The following APOO variants were observed in gnomAD, a reference collection of about 807,000 sequenced individuals.
APOO encodes apolipoprotein O.
In APOO, 11 loss-of-function variants were observed where a neutral mutation model predicts 23.1. That is an observed-to-expected ratio of 0.48 (90% CI 0.30 to 0.79). APOO has a LOEUF of 0.79. Among genes scored for constraint, APOO ranks in the 30% least tolerant of loss-of-function variants. The pLI is 0.07. For missense variants in APOO, 160 were observed against 142.7 expected, an observed-to-expected ratio of 1.12 and a Z score of -0.62; for synonymous variants, 59 against 54.8, an observed-to-expected ratio of 1.08 and a Z score of -0.34.
At chrX:23,896,465 G>A (rs755724356) in intron 1 of APOO, among the ~76,000 whole-genome samples, 2 of 111,620 alleles carry the variant, frequency 1.8e-5, no homozygotes, top group African/African-American at 3.3e-5. Flanking sequence ...ATGAGGAAGA[G>A]TAAAAATGTT....
rs1418432046 is a variant in APOO at position 23,856,337 on chromosome X, C to G, written c.526G>C (p.Val176Leu). The change falls in exon 7 of 9, where the codon GTC becomes CTC. Residue 176 changes from valine to leucine, a missense_variant. Coordinates refer to ENST00000379226, the MANE Select transcript of APOO (RefSeq NM_024122.5). ...LYDWGLRGYI[V>L]IEDLWKENFQ... The stretch of plus-strand genomic sequence containing the variant: ...TTCTCCTTCCACAAATCTTCTATGA[C>G]TATATATCCTCGTAAACCCCAGTCA... 1 of 1,208,726 alleles carries G rather than the reference C, an allele frequency of 8.3e-7. No homozygotes were observed. Among genetic ancestry groups the G allele is most frequent in the African/African-American group, 1.7e-5 (1 of 57,155 alleles).
At chrX:23,878,344 G>A (rs775515330) in intron 3 of APOO, among the ~76,000 whole-genome samples, 13 of 112,014 alleles carry the variant, frequency 1.2e-4, no homozygotes, top group Non-Finnish European at 2.4e-4. Context: ...CACTGCCCAG[G>A]GAGAGGGAAA....
intron 4 of APOO, among the ~76,000 whole-genome samples, chrX:23,869,140 C>G (rs1176689158): frequency 3.6e-5 from 4 of 110,057 alleles, no homozygotes; most frequent in African/African-American, 1.3e-4. Context: ...AACTCCTGAC[C>G]TCAGGTGATC....
At chrX:23,854,938 A>G (rs772077261) in intron 7 of APOO, among the ~76,000 whole-genome samples, 1 of 111,653 alleles carries the variant, frequency 9.0e-6, no homozygotes, top group South Asian at 3.7e-4. Context: ...TGATATTGGT[A>G]TAGAATTTCC....
intron 4 of APOO, among the ~76,000 whole-genome samples, chrX:23,871,489 T>G (rs1004150363): frequency 2.7e-5 from 3 of 111,348 alleles, no homozygotes; most frequent in African/African-American, 9.8e-5. Context: ...TTAGGGTTCC[T>G]CAAACATCCA....
At chrX:23,882,831 G>A (rs953838317) in intron 1 of APOO, among the ~76,000 whole-genome samples, 1 of 110,680 alleles carries the variant, frequency 9.0e-6, no homozygotes, top group African/African-American at 3.3e-5. Flanking sequence ...AATTTTTGTA[G>A]AGACAGGGTT....
intron 5 of APOO, among the ~76,000 whole-genome samples, chrX:23,865,294 T>C (rs759776990): frequency 7.2e-5 from 8 of 110,802 alleles, no homozygotes; most frequent in Middle Eastern, 4.2e-3. Flanking sequence ...CAGACTACCT[T>C]AGCAGATACG....
chrX:23,841,471 A>G (rs1489418641), intron 7 of APOO, among the ~76,000 whole-genome samples: 1 of 102,443 alleles, frequency 9.8e-6, no homozygotes, highest in Admixed American at 1.1e-4. Context: ...CTTGGGCAAC[A>G]TAGAAAAAGA....
intron 4 of APOO, among the ~76,000 whole-genome samples, chrX:23,874,087 C>A (rs1925737077): frequency 8.9e-6 from 1 of 112,066 alleles, no homozygotes; most frequent in Non-Finnish European, 1.9e-5. Context: ...TTCAGAAAAT[C>A]TATTGATGAA....
At chrX:23,880,041 T>G (rs913198767) in intron 2 of APOO, among the ~76,000 whole-genome samples, 4 of 108,638 alleles carry the variant, frequency 3.7e-5, no homozygotes, top group Non-Finnish European at 5.7e-5. Context: ...ATGTAAACAG[T>G]AGAGAGAAGA....
intron 1 of APOO, among the ~76,000 whole-genome samples, chrX:23,884,843 A>G (rs1468441669): frequency 9.0e-6 from 1 of 111,297 alleles, no homozygotes. Flanking sequence ...CATTCCTGAG[A>G]GAGGAAGTAG....
intron 5 of APOO, among the ~76,000 whole-genome samples, chrX:23,860,839 TA>T (rs113127850): frequency 0.037 from 3,187 of 87,211 alleles, 60 homozygotes; most frequent in African/African-American, 0.042. Context: ...TCTATTCCTT[TA>T]AAAAAAAAAA....
rs1011340232 is a variant in APOO at position 23,836,184 on chromosome X, T to C, written c.*30-2572A>G. On this transcript the variant is annotated intron_variant, in intron 8 of 8. Coordinates refer to ENST00000379226, the MANE Select transcript of APOO (RefSeq NM_024122.5). ...CTCTCTCTGTTGCCCAGGCTGGGAGTGTGCAGTGGCACGATCTTGGCTCAC... is the reference window on the plus strand; with the variant it reads ...CTCTCTCTGTTGCCCAGGCTGGGAGCGTGCAGTGGCACGATCTTGGCTCAC... Among the ~76,000 whole-genome samples the C allele has an allele frequency of 6.2e-5, 7 of 112,695 alleles. No homozygotes were observed. In the Admixed American group the frequency reaches 6.6e-4, roughly 11 times the overall value.
intron 1 of APOO, among the ~76,000 whole-genome samples, chrX:23,888,764 C>T (rs967336283): frequency 1.5e-4 from 15 of 99,746 alleles, no homozygotes; most frequent in East Asian, 6.8e-4. Context: ...GCAAGAGAAT[C>T]GTTTGAACCT....
chrX:23,837,162 C>CT (rs1208353940), intron 8 of APOO: 40 of 894,375 alleles, frequency 4.5e-5, no homozygotes, highest in East Asian at 3.0e-4. Flanking sequence ...CCCGGAGCCT[C>CT]TTTTTTTTCT....
chrX:23,880,330 T>C (rs1452265200), intron 2 of APOO, among the ~76,000 whole-genome samples: 2 of 111,671 alleles, frequency 1.8e-5, no homozygotes, highest in African/African-American at 6.5e-5. Context: ...ATCATTAAAG[T>C]TTATCTGTTG....
At chrX:23,848,131 C>G (rs988213940) in intron 7 of APOO, among the ~76,000 whole-genome samples, 5 of 108,094 alleles carry the variant, frequency 4.6e-5, no homozygotes, top group East Asian at 5.8e-4. Context: ...CTTCAGCCCC[C>G]CAAAGTGCTG....
At chrX:23,878,524 T>A (rs1162259264) in intron 3 of APOO, among the ~76,000 whole-genome samples, 2 of 112,069 alleles carry the variant, frequency 1.8e-5, no homozygotes, top group Non-Finnish European at 3.8e-5. Context: ...ATGGGGCACA[T>A]GAGATGTGTT....
At chrX:23,877,178 G>C (rs986262058) in intron 3 of APOO, among the ~76,000 whole-genome samples, 2 of 111,976 alleles carry the variant, frequency 1.8e-5, no homozygotes, top group African/African-American at 6.5e-5. Flanking sequence ...ACAAGTAACA[G>C]TAGTCATGCC....
Sources: gnomAD v4.1 joint callset for allele counts (sites outside exome capture counted in the v4.1 genomes callset) on GRCh38, gnomAD v4.1.1 for gene constraint, MANE v1.5 for transcripts, NCBI Gene and HGNC (gene_info 2026-07-23, HGNC 2026-07-21) for gene names.